TRPA1: variants seen among roughly 807,000 people sequenced by gnomAD.
The protein encoded by TRPA1 is ankyrin-like with transmembrane domains 1.
Under a neutral mutation model 131.3 loss-of-function variants are expected in TRPA1, and 129 were observed. That is an observed-to-expected ratio of 0.98 (90% CI 0.85 to 1.14). The LOEUF (loss-of-function observed/expected upper bound fraction) is 1.14. TRPA1 is among the 50% of genes most tolerant of loss of function. The pLI is 0.00. For synonymous variants in TRPA1, 441 were observed against 451.7 expected, an observed-to-expected ratio of 0.98 and a Z score of 0.30; for missense variants, 1,304 against 1,354.2, an observed-to-expected ratio of 0.96 and a Z score of 0.58.
At chr8:72,052,963 A>ATGTGTGTGTGTGTG (rs1238979884) in intron 13 of TRPA1, 198 bp from the exon 14 acceptor site, 1 of 325,010 alleles carries the variant, frequency 3.1e-6, no homozygotes. Context: ...TGGGAAGTGG[A>ATGTGTGTGTGTGTG]TCTGTGTGTG....
intron 4 of TRPA1, among the ~76,000 whole-genome samples, chr8:72,063,916 A>G (rs2129436247): frequency 1.3e-5 from 2 of 152,332 alleles, no homozygotes; most frequent in South Asian, 4.1e-4. Context: ...ATGCAAATAA[A>G]GTGATATATC....
At position 72,055,172 on chromosome 8, in the gene TRPA1, C is replaced by T. The variant is rs1805630360; in HGVS notation, c.1529+264G>A. On this transcript the variant is annotated intron_variant, in intron 12 of 26. Coordinates refer to ENST00000262209, the MANE Select transcript of TRPA1 (RefSeq NM_007332.3). ...AAGAAAGGTTCTGAGAAAGACTGCA[C>T]AAAGCCAATTATTCTGTGAACAGAA... 5 of 425,016 alleles carry T rather than the reference C, an allele frequency of 1.2e-5. No individual in the cohort carries two copies. In the South Asian group the frequency reaches 1.3e-4, roughly 11 times the overall value. 26.3% of individuals were successfully genotyped at this position (425,016 alleles called of 1,614,324 possible).
intron 24 of TRPA1, among the ~76,000 whole-genome samples, chr8:72,028,061 G>A (rs1329028169): frequency 6.6e-6 from 1 of 152,066 alleles, no homozygotes; most frequent in African/African-American, 2.4e-5. Context: ...CTGCCAAGAG[G>A]TTTATACATC....
In TRPA1 at chr8:72,071,839, A is replaced by G. The variant is rs1353456541; in HGVS notation, c.140T>C (p.Leu47Ser). The G allele has an allele frequency of 2.5e-6, 4 of 1,612,168 alleles. No homozygotes were observed. Among genetic ancestry groups the G allele is most frequent in the Non-Finnish European group, 1.7e-6 (2 of 1,179,800 alleles). Reference protein sequence around the residue: ...KVVFEGSAYGLQNFNKQKKLK... With the variant: ...KVVFEGSAYGSQNFNKQKKLK... ...TTTCTTTTGCTTATTAAAGTTTTGT[A>G]ATCCATATGCACTTCCTTCAAAAAC... Residue 47 changes from leucine to serine, a missense_variant, in exon 2 of 27, where the codon TTA becomes TCA. Physicochemically the swap from Leu to Ser is moderately radical, Grantham distance 145. Coordinates refer to ENST00000262209, the MANE Select transcript of TRPA1 (RefSeq NM_007332.3).
At chr8:72,078,297 A>G (rs1263260438), upstream of TRPA1, among the ~76,000 whole-genome samples, 1 of 152,140 alleles carries the variant, frequency 6.6e-6, no homozygotes, top group East Asian at 1.9e-4. Flanking sequence ...CAGTTTGATG[A>G]CTTGTAGTAA....
chr8:72,022,883 A>C lies in TRPA1; in HGVS notation c.*23T>G. 6.2e-7 allele frequency: 1 copy of C among 1,604,638 alleles called. No homozygotes were observed. The highest frequency in any genetic ancestry group is 2.2e-5 in the East Asian group (1 of 44,826). ...AGCAAGTCATGCACCCCCCATTAGA[A>C]GCCTCACTGAAGGTCTGAGGAGCTA... On this transcript the variant is annotated 3_prime_UTR_variant, in exon 27 of 27. Coordinates refer to ENST00000262209, the MANE Select transcript of TRPA1 (RefSeq NM_007332.3).
At chr8:72,065,032 C>G (rs1805898196) in intron 4 of TRPA1, among the ~76,000 whole-genome samples, 1 of 152,150 alleles carries the variant, frequency 6.6e-6, no homozygotes, top group African/African-American at 2.4e-5. Context: ...TTTGACTTTT[C>G]TCTTATGGGC....
intron 1 of TRPA1, 37 bp from the exon 2 acceptor site, chr8:72,071,904 T>C: frequency 6.3e-7 from 1 of 1,591,084 alleles, no homozygotes; most frequent in South Asian, 1.1e-5. Context: ...CAAACAAGCA[T>C]ATGCAAAACT....
intron 26 of TRPA1, 55 bp from the exon 27 acceptor site, chr8:72,023,171 C>G: frequency 6.6e-7 from 1 of 1,515,832 alleles, no homozygotes; most frequent in Non-Finnish European, 9.0e-7. Context: ...TTTAGCCCTT[C>G]TGAATGTAGG....
Position 72,022,689 on chromosome 8 carries a change from T to C in TRPA1, c.*217A>G. ...ATATCTCATCAAAGTCCAGTCCAAT[T>C]TGAACATATCTGCAAAGATATCCCC... On this transcript the variant is annotated 3_prime_UTR_variant, in exon 27 of 27. Coordinates refer to ENST00000262209, the MANE Select transcript of TRPA1 (RefSeq NM_007332.3). 1.6e-6 allele frequency: 1 copy of C among 608,622 alleles called. No homozygotes were observed. Among genetic ancestry groups the C allele is most frequent in the South Asian group, 1.9e-5 (1 of 51,854 alleles). The allele number at this position is 608,622 out of a possible 1,614,324, so 37.7% of individuals were successfully genotyped here.
rs780176377 is a variant in TRPA1 at position 72,063,485 on chromosome 8, G to A, written c.639C>T (p.Cys213=). ...CACCAAACCTTAGTATTATTTCCAT[G>A]CATTCTTTGGAACCTGAAAATGCAG... is the stretch of plus-strand genomic sequence containing the variant. ...HQAAFSGSKE[C]MEIILRFGEE... is the part of the protein sequence containing the mutation. The change falls in exon 5 of 27, where the codon TGC becomes TGT. Residue 213 remains cysteine, a synonymous_variant. Transcript: ENST00000262209. 30 of 1,612,636 alleles carry A rather than the reference G, an allele frequency of 1.9e-5. No individual in the cohort carries two copies. Among genetic ancestry groups the A allele is most frequent in the Non-Finnish European group, 2.5e-5 (30 of 1,178,978 alleles).
intron 20 of TRPA1, 68 bp from the exon 21 acceptor site, chr8:72,036,525 G>T: frequency 1.4e-6 from 2 of 1,416,528 alleles, no homozygotes; most frequent in Non-Finnish European, 2.0e-6. Flanking sequence ...TTATATACAT[G>T]CACCCCGTAA....
At chr8:72,088,366 C>CTTTTTTTTTTTTTTTTTTT in the TRPA1 span, among the ~76,000 whole-genome samples, 8 of 81,214 alleles carry the variant, frequency 9.9e-5, no homozygotes, top group Non-Finnish European at 1.7e-4. Context: ...TCTTTGAAAA[C>CTTTTTTTTTTTTTTTTTTT]TTTTTTTTTT....
At chr8:72,023,421 G>A in intron 26 of TRPA1, 1 of 474,508 alleles carries the variant, frequency 2.1e-6, no homozygotes, top group Non-Finnish European at 3.9e-6. Flanking sequence ...GTTGAATAGG[G>A]GTTTGAACTC....
chr8:72,052,810 A>G, intron 13 of TRPA1, 45 bp from the exon 14 acceptor site: 1 of 1,605,544 alleles, frequency 6.2e-7, no homozygotes, highest in Non-Finnish European at 8.5e-7. Context: ...ACAGTGTCTA[A>G]TCTGTCTTAT....
At chr8:72,038,118 C>T (rs1812118187) in intron 19 of TRPA1, 46 bp from the exon 20 acceptor site, 1 of 969,488 alleles carries the variant, frequency 1.0e-6, no homozygotes, top group Non-Finnish European at 1.6e-6. Context: ...AGATATAAAA[C>T]ACTTTAACAT....
intron 21 of TRPA1, among the ~76,000 whole-genome samples, chr8:72,035,981 G>A (rs1165383204): frequency 1.1e-4 from 10 of 92,438 alleles, no homozygotes; most frequent in South Asian, 7.9e-4. Flanking sequence ...AGCAATTTAC[G>A]ATATACAAGA....
intron 1 of TRPA1, among the ~76,000 whole-genome samples, chr8:72,073,333 G>T (rs990670143): frequency 5.3e-5 from 8 of 152,160 alleles, no homozygotes; most frequent in Admixed American, 3.9e-4. Flanking sequence ...TCAGTCCAAT[G>T]GTTCTTTTTC....
chr8:72,024,395 C>A (rs1211105777), intron 25 of TRPA1, among the ~76,000 whole-genome samples: 2 of 152,034 alleles, frequency 1.3e-5, no homozygotes, highest in Non-Finnish European at 2.9e-5. Flanking sequence ...TGGAGAGGGT[C>A]AAGGGCAGGT....
Sources: gnomAD v4.1 joint callset for allele counts (sites outside exome capture counted in the v4.1 genomes callset) on GRCh38, gnomAD v4.1.1 for gene constraint, MANE v1.5 for transcripts, NCBI Gene and HGNC (gene_info 2026-07-23, HGNC 2026-07-21) for gene names.